Variants in TRIM2 observed in about 807,000 individuals in gnomAD.
TRIM2 encodes the protein tripartite motif containing 2.
TRIM2 carries 20 observed loss-of-function variants against 75.2 expected under a neutral mutation model. That is an observed-to-expected ratio of 0.27 (90% confidence interval 0.19 to 0.39). TRIM2 has a LOEUF of 0.39. TRIM2 is among the 10% of genes least tolerant of loss of function. The pLI, the probability that TRIM2 is intolerant of heterozygous loss-of-function variation, is 1.00. For missense variants in TRIM2, 660 were observed against 990.8 expected (o/e 0.67, Z 4.48); for synonymous variants, 373 against 388.3 (o/e 0.96, Z 0.46).
At chr4:153,326,814 C>A (rs889288603) in intron 10 of TRIM2, among the ~76,000 whole-genome samples, 1 of 152,062 alleles carries the variant, frequency 6.6e-6, no homozygotes, top group African/African-American at 2.4e-5. Context: ...AACCTCGTCT[C>A]CAGTAAAAAT....
intron 1 of TRIM2, among the ~76,000 whole-genome samples, chr4:153,167,801 A>C (rs906606819): frequency 2.0e-5 from 3 of 152,156 alleles, no homozygotes; most frequent in Non-Finnish European, 4.4e-5. Flanking sequence ...AACAGTGCCT[A>C]ATTTAAAGGA....
chr4:153,336,316 C>T lies in TRIM2; in HGVS notation c.*1350C>T. The T allele has an allele frequency of 1.0e-6, 1 of 979,640 alleles. No homozygotes were observed. The allele number at this position is 979,640 out of a possible 1,614,324, so 60.7% of individuals were successfully genotyped here. A position where few individuals can be genotyped will look rare whatever the true frequency, so the allele number is the denominator to read the frequency against. On this transcript the variant is annotated 3_prime_UTR_variant, in exon 12 of 12. Coordinates refer to ENST00000338700, the MANE Select transcript of TRIM2 (RefSeq NM_015271.5). ...CATTTTCCAAGAATGACGGTGGTGG[C>T]TTTTAGTCAGAAAATGGCCTTCTGT...
rs764300225 is a variant in TRIM2 at position 153,296,083 on chromosome 4, AG to A, written c.1510+51del. On this transcript the variant is annotated intron_variant, in intron 6 of 11. Coordinates refer to ENST00000338700, the MANE Select transcript of TRIM2 (RefSeq NM_015271.5). ...CCGACGCCTGAGCTGGCACTGGTTAAGGGGTAACTGGGCACGTGTCATTGCA... is the reference window on the plus strand; with the variant it reads ...CCGACGCCTGAGCTGGCACTGGTTAAGGGTAACTGGGCACGTGTCATTGCA... 8.6e-6 allele frequency: 13 copies of A among 1,506,320 alleles called. No homozygotes were observed. The Admixed American group carries it at 9.2e-5, about 11-fold the overall frequency. The allele number at this position is 1,506,320 out of a possible 1,614,324, so 93.3% of individuals were successfully genotyped here.
At chr4:153,217,515 A>G (rs933162343) in intron 1 of TRIM2, among the ~76,000 whole-genome samples, 1 of 152,222 alleles carries the variant, frequency 6.6e-6, no homozygotes, top group Non-Finnish European at 1.5e-5. Flanking sequence ...TTAATTTTAC[A>G]GCATAGGAGG....
chr4:153,164,632 A>G (rs562874425), intron 1 of TRIM2, among the ~76,000 whole-genome samples: 1 of 152,336 alleles, frequency 6.6e-6, no homozygotes, highest in East Asian at 1.9e-4. Context: ...GCAGGCAACC[A>G]GTATTACCAG....
intron 1 of TRIM2, among the ~76,000 whole-genome samples, chr4:153,244,260 TCCTCC>T (rs1560873104): frequency 0.029 from 127 of 4,412 alleles, 17 homozygotes; most frequent in Middle Eastern, 0.12. Flanking sequence ...TCTTTCCTCC[TCCTCC>T]TCCTCCTCCT....
chr4:153,294,252 T>G, intron 4 of TRIM2, 53 bp from the exon 5 acceptor site: 1 of 1,572,578 alleles, frequency 6.4e-7, no homozygotes, highest in South Asian at 1.2e-5. Context: ...AGATAGATTT[T>G]GGAATATTTC....
In TRIM2 at chr4:153,295,340, C is replaced by T; in HGVS notation, c.814C>T (p.Leu272Phe). ...KVLQSQLDTL[L>F]QGQESIKSCS... ...CCTCCAGTCGCAGCTGGATACTCTGCTCCAGGGGCAGGAGAGCATTAAGAG... is the reference window on the plus strand; with the variant it reads ...CCTCCAGTCGCAGCTGGATACTCTGTTCCAGGGGCAGGAGAGCATTAAGAG... The change falls in exon 6 of 12, where the codon CTC becomes TTC. Residue 272 changes from leucine (L) to phenylalanine (F), a missense_variant. Physicochemically the swap from Leu to Phe is conservative, Grantham distance 22. Coordinates refer to ENST00000338700, the MANE Select transcript of TRIM2 (RefSeq NM_015271.5). The surrounding 1 kb of genome is among the most constrained non-coding windows in gnomAD (Gnocchi z 7.2). 2 of 1,609,664 alleles carry T rather than the reference C, an allele frequency of 1.2e-6. No individual in the cohort carries two copies. Among genetic ancestry groups the T allele is most frequent in the South Asian group, 1.1e-5 (1 of 90,254 alleles).
rs1772679644 is a variant in TRIM2 at position 153,338,242 on chromosome 4, T to C, written c.*3276T>C. 1 of 985,772 alleles carries C rather than the reference T, an allele frequency of 1.0e-6. No homozygotes were observed. Among genetic ancestry groups the C allele is most frequent in the African/African-American group, 1.7e-5 (1 of 57,248 alleles). 61.1% of individuals were successfully genotyped at this position (985,772 alleles called of 1,614,324 possible). ...CACTGACGGGTTAACAGAAATGCTT[T>C]GGTAATACCTACTTAGTTAATTGGA... On this transcript the variant is annotated 3_prime_UTR_variant, in exon 12 of 12. Transcript: ENST00000338700.
At chr4:153,233,201 C>T (rs1027959587) in intron 1 of TRIM2, among the ~76,000 whole-genome samples, 8 of 151,876 alleles carry the variant, frequency 5.3e-5, no homozygotes, top group African/African-American at 1.9e-4. Context: ...CTTCCAAAGC[C>T]AAAGAAAAAG....
chr4:153,257,575 A>G, intron 1 of TRIM2: 2 of 1,289,824 alleles, frequency 1.6e-6, no homozygotes, highest in Non-Finnish European at 2.0e-6. Context: ...AGCAGAAGAT[A>G]TGCTGGGCTT....
chr4:153,231,537 G>A (rs142303918), intron 1 of TRIM2, among the ~76,000 whole-genome samples: 1 of 152,144 alleles, frequency 6.6e-6, no homozygotes, highest in Non-Finnish European at 1.5e-5. Flanking sequence ...CATCTGATGG[G>A]AGGAGGGACT....
intron 1 of TRIM2, among the ~76,000 whole-genome samples, chr4:153,173,191 GC>G (rs1194807506): frequency 6.6e-6 from 1 of 152,112 alleles, no homozygotes; most frequent in Non-Finnish European, 1.5e-5. Context: ...TGCTGGAAGG[GC>G]CCAGAAGGCA....
intron 1 of TRIM2, among the ~76,000 whole-genome samples, chr4:153,187,788 C>T (rs913632786): frequency 1.3e-5 from 2 of 152,062 alleles, no homozygotes; most frequent in African/African-American, 2.4e-5. Flanking sequence ...AAATGGCGGC[C>T]GCATCATAGG....
chr4:153,164,934 A>G (rs1230951671), intron 1 of TRIM2, among the ~76,000 whole-genome samples: 5 of 151,932 alleles, frequency 3.3e-5, no homozygotes, highest in African/African-American at 4.8e-5. Context: ...TGTTTTATCC[A>G]GAGCTAATTA....
chr4:153,198,862 G>A (rs901602183), intron 1 of TRIM2, among the ~76,000 whole-genome samples: 1 of 152,136 alleles, frequency 6.6e-6, no homozygotes. Context: ...GAGGCTTCAG[G>A]TTGCCAAGAG....
At chr4:153,211,419 G>A (rs200981222) in intron 1 of TRIM2, among the ~76,000 whole-genome samples, 1 of 152,196 alleles carries the variant, frequency 6.6e-6, no homozygotes, top group East Asian at 1.9e-4. Context: ...GGGGTAACAT[G>A]GGAGCAGATC....
chr4:153,177,037 G>A (rs796739278), intron 1 of TRIM2, among the ~76,000 whole-genome samples: 18 of 152,344 alleles, frequency 1.2e-4, no homozygotes, highest in African/African-American at 4.3e-4. Flanking sequence ...GAGCAGTCTA[G>A]TTCATAAAGT....
At chr4:153,256,064 A>G (rs181100672) in intron 1 of TRIM2, among the ~76,000 whole-genome samples, 2 of 152,342 alleles carry the variant, frequency 1.3e-5, no homozygotes, top group African/African-American at 2.4e-5. Context: ...ATCTATGAAT[A>G]TACTAAAAGC....
Sources: gnomAD v4.1 joint callset for allele counts (sites outside exome capture counted in the v4.1 genomes callset) on GRCh38, gnomAD v4.1.1 for gene constraint, Gnocchi (gnomAD v3.1) non-coding constraint, MANE v1.5 for transcripts, NCBI Gene and HGNC (gene_info 2026-07-23, HGNC 2026-07-21) for gene names.